Variants in PPFIBP2 observed in about 807,000 individuals in gnomAD.
PPFIBP2 encodes PPFIB scaffold protein 2.
PPFIBP2 carries 118 observed loss-of-function variants against 118.3 expected under a neutral mutation model. The ratio of observed to expected loss-of-function variants is 1.00; its 90% CI spans 0.86 to 1.16. The LOEUF (loss-of-function observed/expected upper bound fraction) is 1.16. PPFIBP2 is among the 50% of genes most tolerant of loss of function. PPFIBP2 has a pLI of 0.00. For synonymous variants in PPFIBP2, 414 were observed against 397.4 expected, an observed-to-expected ratio of 1.04 and a Z score of -0.50; for missense variants, 1,195 against 1,073.1, an observed-to-expected ratio of 1.11 and a Z score of -1.59.
At chr11:7,590,933 T>C (rs767415037) in intron 3 of PPFIBP2, among the ~76,000 whole-genome samples, 3 of 152,220 alleles carry the variant, frequency 2.0e-5, no homozygotes, top group Non-Finnish European at 4.4e-5. Context: ...ATGCTTCTCC[T>C]AGGCAATTGA....
At position 7,547,946 on chromosome 11, in the gene PPFIBP2, T is replaced by C. The variant is rs371882113; in HGVS notation, c.-36-1494T>C. ...CTGAGTTTATCTGGTTCTCCCTCCC[T>C]GCACCTACCTATTTTTGTTTAAAGT... On this transcript the variant is annotated intron_variant, in intron 1 of 23. Coordinates refer to ENST00000299492, the MANE Select transcript of PPFIBP2 (RefSeq NM_003621.5). Among the ~76,000 whole-genome samples the C allele has an allele frequency of 2.0e-3, 309 of 152,262 alleles. 1 individual carries two copies. Among genetic ancestry groups the C allele is most frequent in the Middle Eastern group, 0.01 (3 of 294 alleles).
intron 5 of PPFIBP2, among the ~76,000 whole-genome samples, chr11:7,605,464 TTAGA>T (rs1301650030): frequency 2.0e-5 from 3 of 152,168 alleles, no homozygotes; most frequent in Non-Finnish European, 4.4e-5. Flanking sequence ...TCAGCTGTAA[TTAGA>T]TAGCACAAAT....
intron 2 of PPFIBP2, among the ~76,000 whole-genome samples, chr11:7,553,577 C>T (rs1249750964): frequency 6.6e-6 from 1 of 152,136 alleles, no homozygotes; most frequent in Non-Finnish European, 1.5e-5. Flanking sequence ...CCAGCTCAGC[C>T]ATTTAGTGCT....
the PPFIBP2 span, chr11:7,666,286 T>C: frequency 0.52 from 315,807 of 605,976 alleles, 84,129 homozygotes; most frequent in East Asian, 0.66. Flanking sequence ...CCCAAATCCT[T>C]TCTCCCTCAA....
chr11:7,629,566 T>C (rs754785975), intron 10 of PPFIBP2, 32 bp downstream of exon 10: 45 of 1,601,160 alleles, frequency 2.8e-5, no homozygotes, highest in Non-Finnish European at 3.5e-5. Context: ...CCGTTGTCTC[T>C]GAAAGATATT....
Position 7,533,517 on chromosome 11 carries a change from G to A in PPFIBP2, c.-36-15923G>A, listed in dbSNP as rs113930034. Reference sequence around the variant, plus strand: ...ATCTAGACAGGGAGGCAGACACATTGAGAAATAATACAAATTATTATCATC... The same window carrying A: ...ATCTAGACAGGGAGGCAGACACATTAAGAAATAATACAAATTATTATCATC... On this transcript the variant is annotated intron_variant, in intron 1 of 23. Coordinates refer to ENST00000299492, the MANE Select transcript of PPFIBP2 (RefSeq NM_003621.5). Among the ~76,000 whole-genome samples, 358 of 152,314 alleles carry A rather than the reference G, an allele frequency of 2.4e-3. 2 individuals carry two copies. The highest frequency in any genetic ancestry group is 0.017 in the Middle Eastern group (5 of 294).
chr11:7,578,732 G>C (rs1025503090), intron 3 of PPFIBP2, among the ~76,000 whole-genome samples: 3 of 152,194 alleles, frequency 2.0e-5, no homozygotes, highest in Non-Finnish European at 4.4e-5. Flanking sequence ...GGGGCGGTCA[G>C]GGAGTTTGAG....
At chr11:7,587,587 A>G (rs983664568) in intron 3 of PPFIBP2, among the ~76,000 whole-genome samples, 3 of 152,230 alleles carry the variant, frequency 2.0e-5, no homozygotes, top group Non-Finnish European at 4.4e-5. Context: ...TGCACCGGGG[A>G]TGAGAATGCC....
At chr11:7,622,532 A>T (rs1237173642) in intron 7 of PPFIBP2, among the ~76,000 whole-genome samples, 2 of 152,256 alleles carry the variant, frequency 1.3e-5, no homozygotes, top group Non-Finnish European at 2.9e-5. Flanking sequence ...TATCAAAAGA[A>T]AGCACTGAAC....
rs1215832279 is a variant in PPFIBP2, at chr11:7,649,513, C to A, written c.1999-19C>A. ...CACTTTGGAAACTCTGGTTTATAAACCAAACTTTCCTCTTTCAGAACGATT... is the reference window on the plus strand; with the variant it reads ...CACTTTGGAAACTCTGGTTTATAAAACAAACTTTCCTCTTTCAGAACGATT... On this transcript the variant is annotated intron_variant, in intron 20 of 23. Transcript: ENST00000299492. The A allele has an allele frequency of 6.2e-7, 1 of 1,613,996 alleles. No individual in the cohort carries two copies.
intron 23 of PPFIBP2, among the ~76,000 whole-genome samples, chr11:7,652,150 C>T (rs776446758): frequency 4.5e-4 from 69 of 152,252 alleles, no homozygotes; most frequent in African/African-American, 7.5e-4. Context: ...CCTTGCAGAG[C>T]GGAAGCGCTC....
intron 3 of PPFIBP2, among the ~76,000 whole-genome samples, chr11:7,583,748 C>G (rs1474380031): frequency 1.3e-5 from 2 of 152,208 alleles, no homozygotes; most frequent in Non-Finnish European, 2.9e-5. Flanking sequence ...GGAGCTTCAT[C>G]CCAGCCCCTT....
chr11:7,657,045 C>T (rs188985915), downstream of PPFIBP2: 1,216 of 325,618 alleles, frequency 3.7e-3, 37 homozygotes, highest in Admixed American at 0.044. Flanking sequence ...TACTTTTATA[C>T]GTGGACTGCA....
chr11:7,626,678 T>C (rs1850055049), intron 8 of PPFIBP2, among the ~76,000 whole-genome samples: 1 of 152,254 alleles, frequency 6.6e-6, no homozygotes, highest in Non-Finnish European at 1.5e-5. Context: ...AATCCTCAAC[T>C]ACTGTAATGA....
At chr11:7,601,169 G>C (rs1861357681) in intron 5 of PPFIBP2, among the ~76,000 whole-genome samples, 1 of 152,190 alleles carries the variant, frequency 6.6e-6, no homozygotes, top group African/African-American at 2.4e-5. Context: ...TCCTTACCTA[G>C]TTCATGAACA....
At chr11:7,530,646 G>C (rs1850605532) in intron 1 of PPFIBP2, among the ~76,000 whole-genome samples, 1 of 152,244 alleles carries the variant, frequency 6.6e-6, no homozygotes. Flanking sequence ...CTCCATAGCT[G>C]TGAGAAATAC....
At chr11:7,620,486 A>G (rs1590642288) in intron 6 of PPFIBP2, among the ~76,000 whole-genome samples, 1 of 152,264 alleles carries the variant, frequency 6.6e-6, no homozygotes, top group East Asian at 1.9e-4. Context: ...TTTCAGGATC[A>G]CAGGCCCCCT....
Position 7,637,141 on chromosome 11 carries a change from G to T in PPFIBP2, c.1236+1548G>T, listed in dbSNP as rs543504008. Reference sequence around the variant, plus strand: ...CCCTCATGCCCTCTCTGAGTGCTCTGTTCTCTGGGCTGAACATCACCTTCT... The same window carrying T: ...CCCTCATGCCCTCTCTGAGTGCTCTTTTCTCTGGGCTGAACATCACCTTCT... On this transcript the variant is annotated intron_variant, in intron 14 of 23. Coordinates refer to ENST00000299492, the MANE Select transcript of PPFIBP2 (RefSeq NM_003621.5). Among the ~76,000 whole-genome samples the T allele has an allele frequency of 6.2e-4, 95 of 152,312 alleles. 1 individual carries two copies. The highest frequency in any genetic ancestry group is 1.4e-3 in the Admixed American group (22 of 15,300).
chr11:7,617,215 C>G, intron 6 of PPFIBP2: 2 of 985,444 alleles, frequency 2.0e-6, no homozygotes, highest in Non-Finnish European at 2.4e-6. Context: ...AGGGACCACC[C>G]TGAGGAGGTG....
Sources: gnomAD v4.1 joint callset for allele counts (sites outside exome capture counted in the v4.1 genomes callset) on GRCh38, gnomAD v4.1.1 for gene constraint, MANE v1.5 for transcripts, NCBI Gene and HGNC (gene_info 2026-07-23, HGNC 2026-07-21) for gene names.